The following IL20RA variants were observed in gnomAD, a reference collection of about 807,000 sequenced individuals.
IL20RA encodes interleukin 20 receptor subunit alpha.
A neutral mutation model predicts 36.5 loss-of-function variants in IL20RA; 29 were observed. The observed-to-expected ratio is 0.79, with a 90% CI of 0.59 to 1.08. The LOEUF (loss-of-function observed/expected upper bound fraction) is 1.08, where lower values mean the gene tolerates loss of function less well. IL20RA is among the 50% of genes least tolerant of loss of function. IL20RA has a pLI of 0.00. For synonymous variants in IL20RA, 279 were observed against 267.1 expected (o/e 1.04, Z -0.43); for missense variants, 652 against 668.4 (o/e 0.98, Z 0.27).
chr6:137,044,513 T>C, intron 1 of IL20RA, 128 bp downstream of exon 1: 1 of 1,008,002 alleles, frequency 9.9e-7, no homozygotes, highest in Non-Finnish European at 1.3e-6. Flanking sequence ...GCGCACCTCG[T>C]CCTCTGCCCG....
rs1451594786 is a variant in IL20RA, at chr6:137,000,758, A to G, written c.*800T>C. 1 of 152,206 alleles carries G rather than the reference A, an allele frequency of 6.6e-6. No individual in the cohort carries two copies. The highest frequency in any genetic ancestry group is 2.4e-5 in the African/African-American group (1 of 41,450). The allele number at this position is 152,206 out of a possible 1,614,324, so 9.4% of individuals were successfully genotyped here. The stretch of plus-strand genomic sequence containing the variant: ...TTACCTAACACTTTCTAGTTTACAG[A>G]CTATGTAAATATCTTTTTGAAAACA... On this transcript the variant is annotated 3_prime_UTR_variant, in exon 7 of 7. Transcript: ENST00000316649.
intron 1 of IL20RA, among the ~76,000 whole-genome samples, chr6:137,030,025 C>T (rs1418959582): frequency 7.8e-6 from 1 of 127,806 alleles, no homozygotes; most frequent in East Asian, 2.6e-4. Flanking sequence ...GAGATTCTTT[C>T]ATTTTCATTA....
rs756162868 is a variant in IL20RA, at chr6:137,002,179, G to A, written c.1041C>T (p.Asn347=). Residue 347 remains asparagine, a synonymous_variant, in exon 7 of 7, where the codon AAC becomes AAT. Transcript: ENST00000316649. ...CCTCTTCCTCCTGAGGGGGCCTCAG[G>A]TTCCCGCTGGGCTGAGGATCATTAA... ...SSLNDPQPSG[N]LRPPQEEEEV... 3 of 1,614,072 alleles carry A rather than the reference G, an allele frequency of 1.9e-6. No homozygotes were observed. The highest frequency in any genetic ancestry group is 2.5e-6 in the Non-Finnish European group (3 of 1,180,010).
intron 1 of IL20RA, 25 bp downstream of exon 1, chr6:137,044,616 G>T (rs976004622): frequency 1.6e-6 from 2 of 1,219,784 alleles, no homozygotes; most frequent in East Asian, 3.2e-5. Flanking sequence ...TCCCCGACCC[G>T]CACCTGGCGG....
chr6:137,037,948 G>T (rs1282853056), intron 1 of IL20RA: 1 of 152,192 alleles, frequency 6.6e-6, no homozygotes, highest in Non-Finnish European at 1.5e-5. Context: ...GTTGAAATCT[G>T]CAGTGACAGG....
At chr6:137,043,968 TC>T (rs1177213470) in intron 1 of IL20RA, 2 of 350,594 alleles carry the variant, frequency 5.7e-6, no homozygotes, top group African/African-American at 4.4e-5. Flanking sequence ...AAAGAGCTCT[TC>T]AGTTACCTTA....
Position 137,044,645 on chromosome 6 carries a change from C to CCGT in IL20RA, c.81_83dup (p.Arg28dup). 1 of 1,223,308 alleles carries CCGT rather than the reference C, an allele frequency of 8.2e-7. No homozygotes were observed. 75.8% of individuals were successfully genotyped at this position (1,223,308 alleles called of 1,614,324 possible). On this transcript the variant is annotated inframe_insertion, in exon 1 of 7. Coordinates refer to ENST00000316649, the MANE Select transcript of IL20RA (RefSeq NM_014432.4). ...CTGGCGGCGCGACCCACCTACCTGC[C>CCGT]CGTCCCCAAGGCGCCGCCAGGAGCA...
At chr6:137,042,537 C>T (rs1310493617) in intron 1 of IL20RA, among the ~76,000 whole-genome samples, 1 of 152,120 alleles carries the variant, frequency 6.6e-6, no homozygotes, top group Admixed American at 6.5e-5. Flanking sequence ...AAATTCTGTC[C>T]CTGGAGGGGT....
rs1342338922 is a variant in IL20RA, at chr6:137,033,122, C to G, written c.88+11519G>C. ...AGCTCTAAGGCTGGATGTCTGATAT[C>G]AAGGAGTCAGCAGGGCCACACTCCC... On this transcript the variant is annotated intron_variant, in intron 1 of 6. Coordinates refer to ENST00000316649, the MANE Select transcript of IL20RA (RefSeq NM_014432.4). 2.6e-5 allele frequency among the ~76,000 whole-genome samples: 4 copies of G among 152,128 alleles called. No homozygotes were observed. The East Asian group carries it at 5.8e-4, about 22-fold the overall frequency.
chr6:137,041,100 A>G (rs1776677436), intron 1 of IL20RA, among the ~76,000 whole-genome samples: 1 of 152,258 alleles, frequency 6.6e-6, no homozygotes, highest in Non-Finnish European at 1.5e-5. Flanking sequence ...TCTAAGCTTG[A>G]GGAAACTTTA....
chr6:137,002,892 T>A (rs1775130655), intron 6 of IL20RA, among the ~76,000 whole-genome samples: 1 of 152,174 alleles, frequency 6.6e-6, no homozygotes, highest in African/African-American at 2.4e-5. Context: ...TTTTTACCCC[T>A]TACACCATTC....
At position 137,044,945 on chromosome 6, in the gene IL20RA, C is replaced by T; in HGVS notation, c.-217G>A. The T allele has an allele frequency of 2.9e-6, 1 of 344,824 alleles. No homozygotes were observed. Among genetic ancestry groups the T allele is most frequent in the African/African-American group, 2.1e-5 (1 of 46,514 alleles). 21.4% of individuals were successfully genotyped at this position (344,824 alleles called of 1,614,324 possible). A position where few individuals can be genotyped will look rare whatever the true frequency, so the allele number is the denominator to read the frequency against. ...GACTCGCGGAGCCCCCACGCGCGCTCCCCCGGCTACCCAGCTGGATGGCAG... is the reference window on the plus strand; with the variant it reads ...GACTCGCGGAGCCCCCACGCGCGCTTCCCCGGCTACCCAGCTGGATGGCAG... On this transcript the variant is annotated 5_prime_UTR_variant, in exon 1 of 7. Coordinates refer to ENST00000316649, the MANE Select transcript of IL20RA (RefSeq NM_014432.4).
At chr6:137,010,440 A>G (rs971397516) in intron 3 of IL20RA, among the ~76,000 whole-genome samples, 2 of 152,228 alleles carry the variant, frequency 1.3e-5, no homozygotes, top group Non-Finnish European at 2.9e-5. Context: ...TTTAGAAACT[A>G]TTTAAAAATA....
At chr6:137,011,609 G>A (rs758215934) in intron 2 of IL20RA, among the ~76,000 whole-genome samples, 157 bp from the exon 3 acceptor site, 3 of 152,108 alleles carry the variant, frequency 2.0e-5, no homozygotes, top group Non-Finnish European at 4.4e-5. Context: ...CTTTTGCGGT[G>A]GGCAATTTTT....
At chr6:137,038,204 CCTT>C (rs1776556200) in intron 1 of IL20RA, 1 of 97,516 alleles carries the variant, frequency 1.0e-5, no homozygotes, top group Non-Finnish European at 2.0e-5. Flanking sequence ...CTTTTGTTCT[CCTT>C]TTTTTTTTTT....
At chr6:137,019,967 TTC>T (rs1775840613) in intron 1 of IL20RA, among the ~76,000 whole-genome samples, 1 of 152,220 alleles carries the variant, frequency 6.6e-6, no homozygotes, top group Admixed American at 6.5e-5. Context: ...GGTTGTATCA[TTC>T]TCTCCCACAT....
rs367552524 is a variant in IL20RA, at chr6:137,001,717, T to C, written c.1503A>G (p.Ser501=). 1.1e-5 allele frequency: 17 copies of C among 1,613,924 alleles called. No homozygotes were observed. Among genetic ancestry groups the C allele is most frequent in the Admixed American group, 1.7e-5 (1 of 59,994 alleles). The part of the protein sequence containing the change: ...IPSLSSFDQD[S]EGCEPSEGDG... Reference sequence around the variant, plus strand: ...CCCCCTCAGAAGGCTCGCAGCCCTCTGAATCCTGGTCGAAGCTGGACAGCG... The same window carrying C: ...CCCCCTCAGAAGGCTCGCAGCCCTCCGAATCCTGGTCGAAGCTGGACAGCG... Residue 501 remains serine (S), a synonymous_variant, in exon 7 of 7, where the codon TCA becomes TCG. Transcript: ENST00000316649.
At chr6:137,030,098 T>TTTTTTA (rs1776227985) in intron 1 of IL20RA, among the ~76,000 whole-genome samples, 1 of 133,836 alleles carries the variant, frequency 7.5e-6, no homozygotes, top group African/African-American at 3.3e-5. Flanking sequence ...TTTTTTTTTT[T>TTTTTTA]GAGACAGGGT....
chr6:137,011,243 A>C (rs758912551), intron 3 of IL20RA, 31 bp downstream of exon 3: 25 of 1,558,666 alleles, frequency 1.6e-5, no homozygotes, highest in South Asian at 7.0e-5. Flanking sequence ...ATACATGTTT[A>C]ACTGACCATT....
Sources: allele counts gnomAD v4.1 joint callset (sites outside exome capture counted in the v4.1 genomes callset), GRCh38; gene constraint gnomAD v4.1.1; transcripts MANE v1.5; gene names NCBI Gene and HGNC (gene_info 2026-07-23, HGNC 2026-07-21).